Variants in TENM4 observed in about 807,000 individuals in gnomAD.
The protein encoded by TENM4 is teneurin transmembrane protein 4.
Under a neutral mutation model 243.3 loss-of-function variants are expected in TENM4, and 82 were observed. That is an observed-to-expected ratio of 0.34 (90% CI 0.28 to 0.40). The LOEUF (loss-of-function observed/expected upper bound fraction) is 0.40, where lower values mean the gene tolerates loss of function less well. Ranked by LOEUF, TENM4 falls within the 10% of genes least tolerant of loss-of-function variation. TENM4 has a pLI of 1.00. For missense variants in TENM4, 3,138 were observed against 3,673.3 expected (o/e 0.85, Z 3.77); for synonymous variants, 1,412 against 1,456.3 (o/e 0.97, Z 0.69).
At chr11:79,091,941 C>T (rs1247621741) in intron 4 of TENM4, among the ~76,000 whole-genome samples, 1 of 152,108 alleles carries the variant, frequency 6.6e-6, no homozygotes, top group Non-Finnish European at 1.5e-5. Context: ...ACGCTTAAAT[C>T]CTCCAGGAGC....
intron 28 of TENM4, among the ~76,000 whole-genome samples, chr11:78,698,873 T>G (rs76980874): frequency 1.3e-4 from 20 of 152,322 alleles, no homozygotes; most frequent in Non-Finnish European, 2.9e-4. Context: ...CTGGACCATT[T>G]TGCCTTGGGT....
intron 3 of TENM4, chr11:79,193,107 T>C (rs1023302352): frequency 6.6e-6 from 1 of 152,290 alleles, no homozygotes; most frequent in East Asian, 1.9e-4. Context: ...AGCACCAACC[T>C]CACCATTTTC....
At chr11:79,098,201 G>T (rs2187172) in intron 4 of TENM4, among the ~76,000 whole-genome samples, 1 of 150,114 alleles carries the variant, frequency 6.7e-6, no homozygotes, top group Admixed American at 6.6e-5. Context: ...CCCTGCATGC[G>T]GGTCTCTTGT....
chr11:79,129,407 T>C (rs1485530199), intron 4 of TENM4, among the ~76,000 whole-genome samples: 1 of 152,142 alleles, frequency 6.6e-6, no homozygotes, highest in Non-Finnish European at 1.5e-5. Flanking sequence ...AAATCTGGTG[T>C]GCAGACTCCA....
intron 4 of TENM4, among the ~76,000 whole-genome samples, chr11:79,127,066 C>T (rs555398661): frequency 6.6e-6 from 1 of 152,186 alleles, no homozygotes; most frequent in East Asian, 1.9e-4. Flanking sequence ...TTCCCCCACT[C>T]ATCCTGTTGC....
At chr11:78,896,661 A>G (rs1198285729) in intron 7 of TENM4, among the ~76,000 whole-genome samples, 1 of 152,060 alleles carries the variant, frequency 6.6e-6, no homozygotes, top group Non-Finnish European at 1.5e-5. Flanking sequence ...CCTATCTCTC[A>G]GCTAAAAATT....
intron 1 of TENM4, among the ~76,000 whole-genome samples, chr11:79,423,025 C>T (rs1298365010): frequency 6.6e-6 from 1 of 152,200 alleles, no homozygotes; most frequent in African/African-American, 2.4e-5. Context: ...TCCAAGGATG[C>T]CGGACCCAAT....
At chr11:78,913,636 G>A (rs570210302) in intron 6 of TENM4, among the ~76,000 whole-genome samples, 2 of 146,776 alleles carry the variant, frequency 1.4e-5, no homozygotes, top group African/African-American at 2.6e-5. Context: ...TGTGAGTGTC[G>A]GGGGTGGAAT....
At chr11:79,120,980 A>G (rs1359768888) in intron 4 of TENM4, among the ~76,000 whole-genome samples, 1 of 152,230 alleles carries the variant, frequency 6.6e-6, no homozygotes, top group African/African-American at 2.4e-5. Flanking sequence ...AAAGTCACAC[A>G]TTAGTAATGG....
chr11:79,426,894 T>C (rs1258966014), intron 1 of TENM4, among the ~76,000 whole-genome samples: 5 of 152,206 alleles, frequency 3.3e-5, no homozygotes, highest in Admixed American at 6.5e-5. Flanking sequence ...GTACCTTTCA[T>C]TCCCCTTTTC....
At chr11:79,261,125 CTG>C (rs1216191458) in intron 2 of TENM4, among the ~76,000 whole-genome samples, 1 of 152,192 alleles carries the variant, frequency 6.6e-6, no homozygotes, top group Non-Finnish European at 1.5e-5. Context: ...GAGAGGGAGG[CTG>C]TCTAGTGGGT....
chr11:78,747,740 T>C (rs1281755249), intron 19 of TENM4, among the ~76,000 whole-genome samples: 2 of 152,264 alleles, frequency 1.3e-5, no homozygotes, highest in Non-Finnish European at 2.9e-5. Flanking sequence ...CTGCAAGGCC[T>C]GATCCTATAT....
At chr11:79,282,003 A>G (rs1856165222) in intron 2 of TENM4, among the ~76,000 whole-genome samples, 1 of 152,198 alleles carries the variant, frequency 6.6e-6, no homozygotes, top group Non-Finnish European at 1.5e-5. Context: ...GCAGATTCCT[A>G]TGCATCTTTC....
chr11:79,262,155 G>A (rs1339375761), intron 2 of TENM4, among the ~76,000 whole-genome samples: 1 of 152,182 alleles, frequency 6.6e-6, no homozygotes, highest in Non-Finnish European at 1.5e-5. Flanking sequence ...ATGGGTCCCA[G>A]CTCTGCACTG....
chr11:78,983,568 T>C (rs899344016), intron 6 of TENM4, among the ~76,000 whole-genome samples: 3 of 152,196 alleles, frequency 2.0e-5, no homozygotes, highest in South Asian at 2.1e-4. Flanking sequence ...AAAAACCGAC[T>C]GGCTTTTGCA....
At chr11:79,152,828 C>G (rs1218648198) in intron 3 of TENM4, among the ~76,000 whole-genome samples, 3 of 152,222 alleles carry the variant, frequency 2.0e-5, no homozygotes, top group Non-Finnish European at 4.4e-5. Flanking sequence ...TTTTAGTGAG[C>G]AGGAAGATGT....
intron 4 of TENM4, among the ~76,000 whole-genome samples, chr11:79,081,563 A>ATGTGTGTGTGTG (rs1860676098): frequency 2.6e-5 from 1 of 38,882 alleles, no homozygotes; most frequent in Non-Finnish European, 6.6e-5. Flanking sequence ...GTGTGTGTGC[A>ATGTGTGTGTGTG]TGCACACATG....
intron 26 of TENM4, among the ~76,000 whole-genome samples, chr11:78,711,689 T>C (rs761752736): frequency 6.6e-6 from 1 of 152,072 alleles, no homozygotes; most frequent in Non-Finnish European, 1.5e-5. Flanking sequence ...GGCTATAGGG[T>C]TGCAACACAG....
chr11:78,894,416 G>A (rs1245852399), intron 7 of TENM4, among the ~76,000 whole-genome samples: 3 of 152,168 alleles, frequency 2.0e-5, no homozygotes, highest in African/African-American at 4.8e-5. Context: ...AGATCAAAAT[G>A]TTAGCAGTAA....
Sources: gnomAD v4.1 joint callset for allele counts (sites outside exome capture counted in the v4.1 genomes callset) on GRCh38, gnomAD v4.1.1 for gene constraint, MANE v1.5 for transcripts, NCBI Gene and HGNC (gene_info 2026-07-23, HGNC 2026-07-21) for gene names.